PDIA5: variants seen among roughly 807,000 people sequenced by gnomAD.
PDIA5 encodes protein disulfide-isomerase A5.
Under a neutral mutation model 77.6 loss-of-function variants are expected in PDIA5, and 58 were observed. The ratio of observed to expected loss-of-function variants is 0.75; its 90% CI spans 0.61 to 0.93. PDIA5 has a LOEUF of 0.93. Ranked by LOEUF, PDIA5 falls within the 40% of genes least tolerant of loss-of-function variation. PDIA5 has a pLI of 0.00. For missense variants in PDIA5, 630 were observed against 647.7 expected (o/e 0.97, Z 0.30); for synonymous variants, 250 against 252.1 (o/e 0.99, Z 0.08).
chr3:123,110,769 C>T (rs765053135), intron 6 of PDIA5, among the ~76,000 whole-genome samples, 175 bp from the exon 7 acceptor site: 1 of 152,166 alleles, frequency 6.6e-6, no homozygotes, highest in Non-Finnish European at 1.5e-5. Flanking sequence ...TGGCCTGCCG[C>T]GGCTCTGCCC....
At chr3:123,067,395 C>T in intron 1 of PDIA5, 189 bp downstream of exon 1, 1 of 469,006 alleles carries the variant, frequency 2.1e-6, no homozygotes, top group Non-Finnish European at 3.4e-6. Context: ...GGTGCCCTCG[C>T]CGCCAAGCGC....
At chr3:123,122,991 C>A (rs1011001932) in intron 8 of PDIA5, among the ~76,000 whole-genome samples, 7 of 152,222 alleles carry the variant, frequency 4.6e-5, no homozygotes, top group Admixed American at 4.6e-4. Flanking sequence ...ATTCAAAGTC[C>A]TGGCTGGGCA....
At chr3:123,112,280 G>A (rs1379011750) in intron 7 of PDIA5, among the ~76,000 whole-genome samples, 1 of 152,196 alleles carries the variant, frequency 6.6e-6, no homozygotes, top group Non-Finnish European at 1.5e-5. Flanking sequence ...CAAGGCAGGT[G>A]TGCCTAGGTG....
At chr3:123,113,248 A>G (rs1456819495) in intron 7 of PDIA5, among the ~76,000 whole-genome samples, 1 of 152,126 alleles carries the variant, frequency 6.6e-6, no homozygotes, top group Non-Finnish European at 1.5e-5. Flanking sequence ...GTGCCACAAG[A>G]CGGCATCCGG....
chr3:123,112,042 G>A (rs1368975004), intron 7 of PDIA5, among the ~76,000 whole-genome samples: 1 of 152,178 alleles, frequency 6.6e-6, no homozygotes, highest in Non-Finnish European at 1.5e-5. Flanking sequence ...TATACCAACA[G>A]AGTTGAGTCT....
intron 7 of PDIA5, among the ~76,000 whole-genome samples, chr3:123,113,592 T>C (rs377104394): frequency 6.6e-6 from 1 of 152,210 alleles, no homozygotes; most frequent in African/African-American, 2.4e-5. Flanking sequence ...TTTTTGATTA[T>C]GCACGTGTGT....
intron 3 of PDIA5, among the ~76,000 whole-genome samples, chr3:123,099,188 C>T (rs759810224): frequency 1.6e-4 from 25 of 152,200 alleles, no homozygotes; most frequent in Non-Finnish European, 3.1e-4. Context: ...TCCTGGAGCT[C>T]AATAGACAGA....
intron 1 of PDIA5, chr3:123,067,413 C>A: frequency 4.7e-6 from 2 of 427,106 alleles, no homozygotes; most frequent in Non-Finnish European, 7.9e-6. Flanking sequence ...CGCTCCCGGA[C>A]GCAGGGGCAG....
At position 123,085,175 on chromosome 3, in the gene PDIA5, A is replaced by G. The variant is rs1934104480; in HGVS notation, c.43-3993A>G. Among the ~76,000 whole-genome samples, 4 of 152,306 alleles carry G rather than the reference A, an allele frequency of 2.6e-5. No individual in the cohort carries two copies. The East Asian group carries it at 7.7e-4, about 29-fold the overall frequency. On this transcript the variant is annotated intron_variant, in intron 1 of 16. Transcript: ENST00000316218. ...CCTCTGCTAAGGCCAGGAGTGTGGT[A>G]ACAGTGTAATTTGTCATGTTTATAA...
chr3:123,129,666 T>C (rs893517692), intron 10 of PDIA5, among the ~76,000 whole-genome samples: 1 of 152,204 alleles, frequency 6.6e-6, no homozygotes, highest in Non-Finnish European at 1.5e-5. Context: ...CACCTTGTCC[T>C]GAACTTTGGG....
chr3:123,143,432 C>T (rs573481924), intron 11 of PDIA5, among the ~76,000 whole-genome samples: 2 of 151,668 alleles, frequency 1.3e-5, no homozygotes, highest in African/African-American at 2.4e-5. Flanking sequence ...ACCTAGAGCC[C>T]AGCATGATGA....
At chr3:123,117,925 C>T (rs1935032651) in intron 8 of PDIA5, among the ~76,000 whole-genome samples, 1 of 152,174 alleles carries the variant, frequency 6.6e-6, no homozygotes, top group South Asian at 2.1e-4. Context: ...GTGGAAAAAT[C>T]CATCCATCTT....
intron 14 of PDIA5, among the ~76,000 whole-genome samples, chr3:123,153,212 C>T: frequency 6.6e-6 from 1 of 152,150 alleles, no homozygotes; most frequent in East Asian, 1.9e-4. Context: ...TTTAGACTTT[C>T]AATGAACAAA....
At chr3:123,140,410 G>A (rs1336244009) in intron 11 of PDIA5, among the ~76,000 whole-genome samples, 1 of 152,166 alleles carries the variant, frequency 6.6e-6, no homozygotes, top group Non-Finnish European at 1.5e-5. Context: ...TTAAATATCA[G>A]AAGACAGCAA....
chr3:123,135,977 T>C (rs1314326417), intron 11 of PDIA5, among the ~76,000 whole-genome samples: 1 of 152,086 alleles, frequency 6.6e-6, no homozygotes, highest in Admixed American at 6.5e-5. Flanking sequence ...TTTTCTTTTT[T>C]TAGAGACAGG....
At chr3:123,079,418 G>A (rs1483329949) in intron 1 of PDIA5, among the ~76,000 whole-genome samples, 2 of 152,036 alleles carry the variant, frequency 1.3e-5, no homozygotes, top group African/African-American at 4.8e-5. Context: ...CTGACCTCGT[G>A]ATCCGCCCAC....
chr3:123,078,111 A>T (rs1473904052), intron 1 of PDIA5, among the ~76,000 whole-genome samples: 1 of 152,180 alleles, frequency 6.6e-6, no homozygotes, highest in African/African-American at 2.4e-5. Flanking sequence ...CCCGGCCTAA[A>T]ATTAATGTTC....
At chr3:123,074,071 A>G (rs1293242461) in intron 1 of PDIA5, among the ~76,000 whole-genome samples, 1 of 152,212 alleles carries the variant, frequency 6.6e-6, no homozygotes, top group Non-Finnish European at 1.5e-5. Flanking sequence ...GTATTAGTAC[A>G]TGCCCCTATT....
intron 3 of PDIA5, among the ~76,000 whole-genome samples, chr3:123,095,810 A>G (rs1392240498): frequency 6.6e-6 from 1 of 151,626 alleles, no homozygotes; most frequent in Non-Finnish European, 1.5e-5. Flanking sequence ...ACTAAATGTC[A>G]GAAGACCCAG....
Sources: gnomAD v4.1 joint callset for allele counts (sites outside exome capture counted in the v4.1 genomes callset) on GRCh38, gnomAD v4.1.1 for gene constraint, MANE v1.5 for transcripts, NCBI Gene and HGNC (gene_info 2026-07-23, HGNC 2026-07-21) for gene names.